PARN: variants seen among roughly 807,000 people sequenced by gnomAD.
The protein encoded by PARN is poly(A)-specific ribonuclease PARN.
PARN carries 71 observed loss-of-function variants against 102.8 expected under a neutral mutation model. The observed-to-expected ratio is 0.69, with a 90% CI of 0.57 to 0.84. The LOEUF (loss-of-function observed/expected upper bound fraction) is 0.84, where lower values mean the gene tolerates loss of function less well. Ranked by LOEUF, PARN falls within the 40% of genes least tolerant of loss-of-function variation. PARN has a pLI of 0.00. For synonymous variants in PARN, 261 were observed against 252.9 expected (o/e 1.03, Z -0.30); for missense variants, 782 against 760.9 (o/e 1.03, Z -0.33).
chr16:14,582,067 C>T (rs1969564226), intron 17 of PARN, 114 bp downstream of exon 17: 1 of 749,994 alleles, frequency 1.3e-6, no homozygotes, highest in South Asian at 1.5e-5. Flanking sequence ...AAATAAATGT[C>T]TGTTGTTTAA....
chr16:14,512,606 T>C (rs1282548679), intron 21 of PARN, among the ~76,000 whole-genome samples: 2 of 152,160 alleles, frequency 1.3e-5, no homozygotes, highest in Non-Finnish European at 2.9e-5. Flanking sequence ...GCTCCAGATG[T>C]GCATGCAAAG....
At chr16:14,512,616 G>A (rs2151639469) in intron 21 of PARN, among the ~76,000 whole-genome samples, 1 of 152,298 alleles carries the variant, frequency 6.6e-6, no homozygotes, top group African/African-American at 2.4e-5. Context: ...TGCATGCAAA[G>A]TATTACTTCA....
At chr16:14,618,259 G>A (rs564607085) in intron 5 of PARN, among the ~76,000 whole-genome samples, 11 of 152,172 alleles carry the variant, frequency 7.2e-5, no homozygotes, top group South Asian at 2.1e-4. Context: ...AGGCCAAGGC[G>A]GGTAGATCAC....
chr16:14,468,979 A>T (rs1343821118), intron 22 of PARN, among the ~76,000 whole-genome samples: 4 of 151,850 alleles, frequency 2.6e-5, no homozygotes, highest in East Asian at 1.9e-4. Context: ...ACAAAGAAAT[A>T]AAAAAAACAC....
rs545972156 is a variant in PARN, at chr16:14,456,232, C to A, written c.1671-9151G>T. ...TCACCTGGGCTAGAGAGCAGTGGTG[C>A]AATCACAGCTCACCGCAGCCTCAAC... On this transcript the variant is annotated intron_variant, in intron 22 of 23. Transcript: ENST00000437198. Among the ~76,000 whole-genome samples, 29 of 151,608 alleles carry A rather than the reference C, an allele frequency of 1.9e-4. No individual in the cohort carries two copies. In the South Asian group the frequency reaches 2.7e-3, roughly 14 times the overall value.
intron 9 of PARN, among the ~76,000 whole-genome samples, chr16:14,606,924 G>C (rs949517231): frequency 2.6e-5 from 4 of 151,868 alleles, no homozygotes; most frequent in African/African-American, 7.3e-5. Flanking sequence ...TGGGACTATA[G>C]GCACCTGCCA....
At chr16:14,446,036 C>A (rs1000459489) in intron 23 of PARN, among the ~76,000 whole-genome samples, 24 of 152,254 alleles carry the variant, frequency 1.6e-4, no homozygotes, top group African/African-American at 5.1e-4. Context: ...CAGTAATAAG[C>A]ACTCAATAAG....
chr16:14,608,430 G>A (rs1971324926), intron 8 of PARN, 111 bp from the exon 9 acceptor site: 3 of 656,806 alleles, frequency 4.6e-6, no homozygotes. Context: ...CATTAGAACT[G>A]ATAGGTAATT....
chr16:14,621,394 T>C (rs1972287022), intron 5 of PARN, among the ~76,000 whole-genome samples: 1 of 152,222 alleles, frequency 6.6e-6, no homozygotes, highest in African/African-American at 2.4e-5. Context: ...TATTTTCTAA[T>C]CAAAACAACA....
At chr16:14,525,979 C>T (rs1379240448) in intron 21 of PARN, among the ~76,000 whole-genome samples, 1 of 151,602 alleles carries the variant, frequency 6.6e-6, no homozygotes, top group African/African-American at 2.4e-5. Flanking sequence ...CCACCAGGCC[C>T]GGCTAATTTT....
At chr16:14,501,564 G>A (rs999050856) in intron 21 of PARN, 8 of 151,656 alleles carry the variant, frequency 5.3e-5, no homozygotes, top group Non-Finnish European at 7.4e-5. Flanking sequence ...CCACCCTGAT[G>A]TGGTTGGCCA....
chr16:14,509,080 G>C (rs1965054665), intron 21 of PARN, among the ~76,000 whole-genome samples: 1 of 152,064 alleles, frequency 6.6e-6, no homozygotes, highest in Admixed American at 6.6e-5. Context: ...CACCCACTGA[G>C]ACTGACTCTT....
At chr16:14,551,996 C>A (rs1156238634) in intron 21 of PARN, 25 bp downstream of exon 21, 2 of 1,560,666 alleles carry the variant, frequency 1.3e-6, no homozygotes, top group Non-Finnish European at 1.8e-6. Flanking sequence ...ATTTAATACA[C>A]AAAACAGAAA....
intron 22 of PARN, among the ~76,000 whole-genome samples, chr16:14,468,066 C>A (rs575669270): frequency 5.3e-5 from 8 of 152,272 alleles, no homozygotes; most frequent in South Asian, 4.1e-4. Context: ...TTCCCAAGGA[C>A]TCTGGGTGGC....
intron 13 of PARN, among the ~76,000 whole-genome samples, chr16:14,588,645 G>A (rs1162795337): frequency 2.0e-5 from 3 of 152,024 alleles, no homozygotes; most frequent in Admixed American, 6.6e-5. Context: ...TTGGAAAGCC[G>A]AGCGGGTGGA....
intron 13 of PARN, among the ~76,000 whole-genome samples, chr16:14,587,954 C>T (rs774978358): frequency 1.6e-4 from 25 of 152,302 alleles, no homozygotes; most frequent in Non-Finnish European, 2.8e-4. Context: ...TGTTATGTTA[C>T]GCACTTACAC....
intron 12 of PARN, among the ~76,000 whole-genome samples, chr16:14,598,253 A>C (rs1970648318): frequency 6.6e-6 from 1 of 152,162 alleles, no homozygotes; most frequent in African/African-American, 2.4e-5. Context: ...TCGCTAATAA[A>C]CAGGGCTTTT....
intron 21 of PARN, among the ~76,000 whole-genome samples, chr16:14,519,430 A>G (rs1428969870): frequency 6.6e-6 from 1 of 151,966 alleles, no homozygotes; most frequent in African/African-American, 2.4e-5. Flanking sequence ...CAGTACAATG[A>G]GCACTCTAGC....
At chr16:14,588,625 T>C (rs1471173852) in intron 13 of PARN, among the ~76,000 whole-genome samples, 3 of 152,128 alleles carry the variant, frequency 2.0e-5, no homozygotes, top group Non-Finnish European at 4.4e-5. Context: ...ATTCCTGTAA[T>C]CCCAGCACTT....
Sources: allele counts gnomAD v4.1 joint callset (sites outside exome capture counted in the v4.1 genomes callset), GRCh38; gene constraint gnomAD v4.1.1; transcripts MANE v1.5; gene names NCBI Gene and HGNC (gene_info 2026-07-23, HGNC 2026-07-21).